Variants in TRIP4 observed in about 807,000 individuals in gnomAD.
TRIP4 encodes activating signal cointegrator 1.
A neutral mutation model predicts 81.8 loss-of-function variants in TRIP4; 54 were observed. The ratio of observed to expected loss-of-function variants is 0.66; its 90% CI spans 0.53 to 0.83. TRIP4 has a LOEUF of 0.83. Ranked by LOEUF, TRIP4 falls within the 40% of genes least tolerant of loss-of-function variation. The pLI, the probability that TRIP4 is intolerant of heterozygous loss-of-function variation, is 0.00. For synonymous variants in TRIP4, 270 were observed against 242.8 expected, an observed-to-expected ratio of 1.11 and a Z score of -1.04; for missense variants, 662 against 683.6, an observed-to-expected ratio of 0.97 and a Z score of 0.35.
chr15:64,413,634 G>T (rs1245693347), intron 7 of TRIP4, among the ~76,000 whole-genome samples: 1 of 151,454 alleles, frequency 6.6e-6, no homozygotes, highest in African/African-American at 2.4e-5. Context: ...CTATTGCCCA[G>T]GCTGGAGTGC....
intron 5 of TRIP4, among the ~76,000 whole-genome samples, chr15:64,405,823 G>A (rs1046220348): frequency 2.1e-4 from 32 of 152,084 alleles, no homozygotes; most frequent in Non-Finnish European, 1.0e-4. Context: ...AGTGAGACCC[G>A]CCTCTCTACA....
chr15:64,445,431 C>A (rs1892608170), intron 12 of TRIP4, among the ~76,000 whole-genome samples: 1 of 149,756 alleles, frequency 6.7e-6, no homozygotes, highest in African/African-American at 2.5e-5. Flanking sequence ...TCGAGACCAT[C>A]CCGGCCAACA....
At chr15:64,406,932 A>T (rs1891635797) in intron 6 of TRIP4, among the ~76,000 whole-genome samples, 1 of 152,200 alleles carries the variant, frequency 6.6e-6, no homozygotes, top group African/African-American at 2.4e-5. Flanking sequence ...AATAATCGGT[A>T]TATTAAAATA....
At chr15:64,435,907 A>AC (rs1555411474) in intron 11 of TRIP4, among the ~76,000 whole-genome samples, 61 of 148,722 alleles carry the variant, frequency 4.1e-4, no homozygotes, top group African/African-American at 1.4e-3. Flanking sequence ...AAAAAAAAAA[A>AC]CCTGAAGAAA....
rs200677943 is a variant in TRIP4, at chr15:64,394,000, C to G, written c.156C>G (p.Leu52=). 83 of 1,610,704 alleles carry G rather than the reference C, an allele frequency of 5.2e-5. No homozygotes were observed. The highest frequency in any genetic ancestry group is 6.9e-5 in the Non-Finnish European group (81 of 1,178,548). The change falls in exon 2 of 13, where the codon CTC becomes CTG. Residue 52 remains leucine (L), a synonymous_variant. Transcript: ENST00000261884. The stretch of plus-strand genomic sequence containing the variant: ...AGATACGAGAATATGTTACTGATCT[C>G]CTCCAGGGAAATGAAGGCAAAAAAG... ...AEEIREYVTD[L]LQGNEGKKGQ...
intron 1 of TRIP4, among the ~76,000 whole-genome samples, chr15:64,392,252 C>G (rs1464057883): frequency 1.4e-5 from 2 of 146,934 alleles, no homozygotes; most frequent in Non-Finnish European, 3.0e-5. Context: ...GAGCTGAGAT[C>G]GCACCACTGC....
At chr15:64,406,099 T>G (rs142494608) in intron 5 of TRIP4, among the ~76,000 whole-genome samples, 2 of 152,364 alleles carry the variant, frequency 1.3e-5, no homozygotes, top group Non-Finnish European at 2.9e-5. Flanking sequence ...AACCAAATTT[T>G]TATAAAGGAA....
intron 6 of TRIP4, 114 bp downstream of exon 6, chr15:64,406,573 A>G: frequency 7.7e-7 from 1 of 1,299,110 alleles, no homozygotes; most frequent in South Asian, 1.5e-5. Flanking sequence ...TTTATAGCAA[A>G]AGAAGAGCCA....
intron 11 of TRIP4, among the ~76,000 whole-genome samples, chr15:64,426,199 T>A (rs768454383): frequency 6.6e-6 from 1 of 152,078 alleles, no homozygotes; most frequent in Non-Finnish European, 1.5e-5. Context: ...ATTATTTTGA[T>A]TGGGGGGTGG....
chr15:64,445,029 TG>T lies in TRIP4; in HGVS notation c.1600del (p.Asp534IlefsTer16). 1 of 1,592,960 alleles carries T rather than the reference TG, an allele frequency of 6.3e-7. No homozygotes were observed. The highest frequency in any genetic ancestry group is 1.7e-5 in the Admixed American group (1 of 58,676). ...AGTTTCCAGACATCAGTCAAGAGTC[TG>T]ATTCTCCATTTGTTTTCATCTGCAA... is the stretch of plus-strand genomic sequence containing the variant. ...EQFPDISQESDSPFVFICKNP... is the reference protein window; with the variant it reads ...EQFPDISQESXSPFVFICKNP... On this transcript the variant is annotated frameshift_variant, in exon 12 of 13. Coordinates refer to ENST00000261884, the MANE Select transcript of TRIP4 (RefSeq NM_016213.5). LOFTEE classifies it high-confidence loss of function.
chr15:64,407,405 C>T (rs1273055681), intron 6 of TRIP4, among the ~76,000 whole-genome samples: 2 of 152,162 alleles, frequency 1.3e-5, no homozygotes, highest in South Asian at 2.1e-4. Context: ...CGGTGGCTCA[C>T]ACCTGTAATC....
chr15:64,411,616 C>T (rs141062696), intron 7 of TRIP4, among the ~76,000 whole-genome samples: 455 of 151,758 alleles, frequency 3.0e-3, no homozygotes, highest in Admixed American at 6.4e-3. Context: ...AAAAAAAAGT[C>T]TATTAACATA....
chr15:64,425,177 C>G lies in TRIP4; in HGVS notation c.1484-363C>G, dbSNP rs575959094. Among the ~76,000 whole-genome samples, 4 of 151,900 alleles carry G rather than the reference C, an allele frequency of 2.6e-5. No homozygotes were observed. The South Asian group carries it at 8.3e-4, about 32-fold the overall frequency. On this transcript the variant is annotated intron_variant, in intron 10 of 12. Transcript: ENST00000261884. ...TTTTGATGTTTTTTTTTTCTTGTCA[C>G]CTGTAACTGCCTTACTTTGCTTCCA...
chr15:64,409,223 A>G (rs1891704581), intron 6 of TRIP4, among the ~76,000 whole-genome samples: 1 of 152,148 alleles, frequency 6.6e-6, no homozygotes, highest in African/African-American at 2.4e-5. Flanking sequence ...GTTAAGCTAC[A>G]GAACTGAGAC....
intron 5 of TRIP4, 112 bp downstream of exon 5, chr15:64,400,933 C>T (rs547390887): frequency 1.2e-6 from 1 of 844,334 alleles, no homozygotes; most frequent in Admixed American, 3.2e-5. Context: ...TTCACTCATT[C>T]TCAGTTTTTT....
intron 12 of TRIP4, among the ~76,000 whole-genome samples, chr15:64,448,873 C>T (rs1892689435): frequency 1.3e-5 from 2 of 152,056 alleles, no homozygotes; most frequent in Admixed American, 6.6e-5. Flanking sequence ...ACACTTTCCC[C>T]TAGATATATT....
At chr15:64,418,428 A>T in intron 8 of TRIP4, 113 bp from the exon 9 acceptor site, 2 of 1,198,962 alleles carry the variant, frequency 1.7e-6, no homozygotes, top group South Asian at 3.3e-5. Flanking sequence ...ATATTTTTCT[A>T]AGAAAAATGT....
intron 12 of TRIP4, among the ~76,000 whole-genome samples, chr15:64,450,510 C>G (rs1003753581): frequency 1.3e-5 from 2 of 152,040 alleles, no homozygotes; most frequent in African/African-American, 4.8e-5. Context: ...ATGACTGCTG[C>G]TTTCCACAAG....
intron 6 of TRIP4, among the ~76,000 whole-genome samples, chr15:64,408,187 C>G (rs1208946440): frequency 6.8e-6 from 1 of 148,004 alleles, no homozygotes; most frequent in Non-Finnish European, 1.5e-5. Flanking sequence ...ATCCGCCAGC[C>G]TCGGCCTCCC....
Sources: allele counts gnomAD v4.1 joint callset (sites outside exome capture counted in the v4.1 genomes callset), GRCh38; gene constraint gnomAD v4.1.1; transcripts MANE v1.5; gene names NCBI Gene and HGNC (gene_info 2026-07-23, HGNC 2026-07-21).